Variants in CD163 observed in about 807,000 individuals in gnomAD.
CD163 encodes the protein scavenger receptor cysteine-rich type 1 protein M130.
CD163 carries 64 observed loss-of-function variants against 129.2 expected under a neutral mutation model. The observed-to-expected ratio is 0.50, with a 90% CI of 0.41 to 0.61. The LOEUF (loss-of-function observed/expected upper bound fraction) is 0.61, where lower values mean the gene tolerates loss of function less well. Among genes scored for constraint, CD163 ranks in the 20% least tolerant of loss-of-function variants. The pLI, the probability that CD163 is intolerant of heterozygous loss-of-function variation, is 0.00. For missense variants in CD163, 1,061 were observed against 1,377.9 expected, an observed-to-expected ratio of 0.77 and a Z score of 3.64; for synonymous variants, 446 against 478.5, an observed-to-expected ratio of 0.93 and a Z score of 0.89.
At chr12:7,483,709 G>A in intron 11 of CD163, 34 bp from the exon 12 acceptor site, 3 of 1,492,366 alleles carry the variant, frequency 2.0e-6, no homozygotes, top group Non-Finnish European at 1.8e-6. Flanking sequence ...CTATTTCTAA[G>A]ACTTCTAAAA....
At position 7,471,321 on chromosome 12, in the gene CD163, G is replaced by A. The variant is rs1042070667; in HGVS notation, c.*108C>T. 6.6e-5 allele frequency: 10 copies of A among 152,224 alleles called. No individual in the cohort carries two copies. Among genetic ancestry groups the A allele is most frequent in the African/African-American group, 2.4e-4 (10 of 41,414 alleles). The allele number at this position is 152,224 out of a possible 1,614,324, so 9.4% of individuals were successfully genotyped here. A position where few individuals can be genotyped will look rare whatever the true frequency, so the allele number is the denominator to read the frequency against. ...AGAAGAACTCCATAAAAATGCAACT[G>A]TAATAGTCAGTGAGAGAGGTGAATT... On this transcript the variant is annotated 3_prime_UTR_variant, in exon 17 of 17. Coordinates refer to ENST00000432237, the MANE Select transcript of CD163 (RefSeq NM_203416.4).
chr12:7,485,193 C>T lies in CD163; in HGVS notation c.2682G>A (p.Gln894=), dbSNP rs1949231111. Residue 894 remains glutamine (Q), a synonymous_variant, in exon 11 of 17, where the codon CAG becomes CAA. Transcript: ENST00000432237. This position sits in a 1 kb window ranked among gnomAD's most constrained non-coding sequence, Gnocchi z 4.5. Reference sequence around the variant, plus strand: ...ACAGCGTGTCAGGTCCTTTTGGACACTGAACATTGTCCACCCACATGGGAA... The same window carrying T: ...ACAGCGTGTCAGGTCCTTTTGGACATTGAACATTGTCCACCCACATGGGAA... ...MSIPMWVDNV[Q]CPKGPDTLWQ... 1.2e-6 allele frequency: 2 copies of T among 1,614,000 alleles called. No individual in the cohort carries two copies. Among genetic ancestry groups the T allele is most frequent in the African/African-American group, 1.3e-5 (1 of 74,924 alleles).
chr12:7,479,676 G>A (rs978442489), intron 16 of CD163, among the ~76,000 whole-genome samples, 184 bp downstream of exon 16: 1 of 152,056 alleles, frequency 6.6e-6, no homozygotes. Context: ...ATTAAGAGAT[G>A]AATCAGTTAT....
intron 3 of CD163, 127 bp downstream of exon 3, chr12:7,501,012 A>G (rs1019164685): frequency 2.7e-6 from 2 of 752,828 alleles, no homozygotes; most frequent in African/African-American, 3.5e-5. Flanking sequence ...CTAGCAATGG[A>G]TGGAGTACTT....
chr12:7,480,122 G>C, intron 15 of CD163: 6 of 804,296 alleles, frequency 7.5e-6, no homozygotes, highest in Non-Finnish European at 1.1e-5. Context: ...TTAAGGGGCA[G>C]AGAAAGTCTT....
At chr12:7,484,574 G>T (rs960503508) in intron 11 of CD163, among the ~76,000 whole-genome samples, 5 of 146,026 alleles carry the variant, frequency 3.4e-5, no homozygotes, top group Admixed American at 2.9e-4. Context: ...AGAAGGCAGA[G>T]GTTGCAGTGA....
intron 15 of CD163, chr12:7,480,212 A>G (rs1949143490): frequency 2.5e-6 from 1 of 407,888 alleles, no homozygotes; most frequent in Non-Finnish European, 4.3e-6. Context: ...TAGCAGATGC[A>G]TAATTCTTTG....
intron 6 of CD163, among the ~76,000 whole-genome samples, chr12:7,494,814 C>A (rs888028200): frequency 2.6e-5 from 4 of 152,100 alleles, no homozygotes; most frequent in Non-Finnish European, 5.9e-5. Context: ...ATATTGAATT[C>A]TATTTTTTAA....
chr12:7,486,795 A>G lies in CD163; in HGVS notation c.2162T>C (p.Leu721Pro). 6.2e-7 allele frequency: 1 copy of G among 1,610,064 alleles called. No homozygotes were observed. The highest frequency in any genetic ancestry group is 8.5e-7 in the Non-Finnish European group (1 of 1,177,034). Residue 721 changes from leucine to proline, a missense_variant, in exon 10 of 17, where the codon CTG becomes CCG. Leu to Pro is a moderately conservative substitution (Grantham distance 98, BLOSUM62 -3). Transcript: ENST00000432237. ...VACIESGQLR[L>P]VNGGGRCAGR... ...AGCACAGCGACCTCCTCCATTTACC[A>G]GGCGAAGTTGACCACTCTCTGCAAA... is the stretch of plus-strand genomic sequence containing the variant.
At chr12:7,484,106 C>T (rs111598421) in intron 11 of CD163, among the ~76,000 whole-genome samples, 378 of 151,492 alleles carry the variant, frequency 2.5e-3, no homozygotes, top group African/African-American at 8.1e-3. Flanking sequence ...TCCCAAAGTC[C>T]GATTACAGGC....
Position 7,487,351 on chromosome 12 carries a change from C to G in CD163, c.2050+8G>C. 6.4e-7 allele frequency: 1 copy of G among 1,564,028 alleles called. No individual in the cohort carries two copies. The highest frequency in any genetic ancestry group is 8.6e-7 in the Non-Finnish European group (1 of 1,156,914). On this transcript the variant is annotated splice_region_variant and intron_variant, in intron 8 of 16. Coordinates refer to ENST00000432237, the MANE Select transcript of CD163 (RefSeq NM_203416.4). This position sits in a 1 kb window ranked among gnomAD's most constrained non-coding sequence, Gnocchi z 5.1. Reference sequence around the variant, plus strand: ...AGACCCATCACTGGCTGCCCGTCATCCTCTTACCTGAGCAGATTACAGAGG... The same window carrying G: ...AGACCCATCACTGGCTGCCCGTCATGCTCTTACCTGAGCAGATTACAGAGG...
rs963519482 is a variant in CD163, at chr12:7,481,048, T to C, written c.3343+113A>G. 69 of 1,471,306 alleles carry C rather than the reference T, an allele frequency of 4.7e-5. 2 individuals are homozygous for C. The highest frequency in any genetic ancestry group is 1.4e-5 in the Non-Finnish European group (15 of 1,109,814). The allele number at this position is 1,471,306 out of a possible 1,614,324, so 91.1% of individuals were successfully genotyped here. On this transcript the variant is annotated intron_variant, in intron 15 of 16. Coordinates refer to ENST00000432237, the MANE Select transcript of CD163 (RefSeq NM_203416.4). ...CTTGTCCATTATATGCATCTAAGCT[T>C]CCTATTACATTTTTAGACTTTTTTA...
In CD163 at chr12:7,477,693, C is replaced by T. The variant is rs190226965; in HGVS notation, c.*31+2167G>A. 6.7e-3 allele frequency among the ~76,000 whole-genome samples: 1,022 copies of T among 152,216 alleles called. 21 individuals carry two copies. Among genetic ancestry groups the T allele is most frequent in the Non-Finnish European group, 8.8e-3 (597 of 67,990 alleles). On this transcript the variant is annotated intron_variant, in intron 16 of 16. Coordinates refer to ENST00000432237, the MANE Select transcript of CD163 (RefSeq NM_203416.4). ...TGATAGGCACAACAAACCACCATGA[C>T]ACGTGTATACCTATGTAACAAACCT...
rs1949193524 is a variant in CD163, at chr12:7,483,540, CAGCCAAGTTGTTGACACACCACCTG to C, written c.2890_2914del (p.Gln964ValfsTer5). On this transcript the variant is annotated frameshift_variant, in exon 12 of 17. Transcript: ENST00000432237. LOFTEE classifies it high-confidence loss of function. Reference sequence around the variant, plus strand: ...TTTGAATGCTTTCAAAGCTGGACCACAGCCAAGTTGTTGACACACCACCTGAGCATCGTCCAAGTCCCAAGAGTCA... The same window carrying C: ...TTTGAATGCTTTCAAAGCTGGACCACAGCATCGTCCAAGTCCCAAGAGTCA... The C allele has an allele frequency of 6.2e-7, 1 of 1,613,990 alleles. No homozygotes were observed.
At chr12:7,493,528 C>T (rs764586747) in intron 6 of CD163, among the ~76,000 whole-genome samples, 15 of 152,172 alleles carry the variant, frequency 9.9e-5, no homozygotes, top group Non-Finnish European at 2.1e-4. Flanking sequence ...AAAAAGTGAA[C>T]ACTGTCTTTC....
At chr12:7,479,413 C>A (rs1949131278) in intron 16 of CD163, among the ~76,000 whole-genome samples, 1 of 152,056 alleles carries the variant, frequency 6.6e-6, no homozygotes, top group South Asian at 2.1e-4. Context: ...TTGGAACTGT[C>A]TATTTTTCAG....
Position 7,486,711 on chromosome 12 carries a change from T to C in CD163, c.2246A>G (p.Asp749Gly). 6.2e-7 allele frequency: 1 copy of C among 1,614,136 alleles called. No homozygotes were observed. The highest frequency in any genetic ancestry group is 8.5e-7 in the Non-Finnish European group (1 of 1,180,012). ...GCAAACCACGTGGGCATCACTCAGG[T>C]CCCAGCTGTCATCACAGATGGTGCC... ...SWGTICDDSW[D>G]LSDAHVVCRQ... Residue 749 changes from aspartate to glycine, a missense_variant, in exon 10 of 17, where the codon GAC becomes GGC. Transcript: ENST00000432237.
intron 16 of CD163, among the ~76,000 whole-genome samples, chr12:7,477,487 C>T (rs747444470): frequency 2.5e-4 from 38 of 152,010 alleles, no homozygotes; most frequent in Admixed American, 4.6e-4. Flanking sequence ...AACACAGGAA[C>T]GGAAAACCAA....
At chr12:7,482,558 C>A in intron 14 of CD163, 85 bp downstream of exon 14, 1 of 1,417,348 alleles carries the variant, frequency 7.1e-7, no homozygotes, top group South Asian at 1.3e-5. Context: ...ATCTTTCTGG[C>A]CATTAGACTT....
Sources: gnomAD v4.1 joint callset for allele counts (sites outside exome capture counted in the v4.1 genomes callset) on GRCh38, gnomAD v4.1.1 for gene constraint, Gnocchi (gnomAD v3.1) non-coding constraint, MANE v1.5 for transcripts, NCBI Gene and HGNC (gene_info 2026-07-23, HGNC 2026-07-21) for gene names.